The following LRRC4C variants were observed in gnomAD, a reference collection of about 807,000 sequenced individuals.
The protein encoded by LRRC4C is leucine rich repeat containing 4C, also known as leucine-rich repeat-containing protein 4C.
In LRRC4C, 5 loss-of-function variants were observed where a neutral mutation model predicts 33.6. The ratio of observed to expected loss-of-function variants is 0.15; its 90% CI spans 0.08 to 0.31. LRRC4C has a LOEUF of 0.31. Among genes scored for constraint, LRRC4C ranks in the 10% least tolerant of loss-of-function variants. LRRC4C has a pLI of 1.00. For missense variants in LRRC4C, 560 were observed against 796.7 expected (o/e 0.70, Z 3.58); for synonymous variants, 329 against 302.0 (o/e 1.09, Z -0.93).
At chr11:41,242,965 A>G (rs1437879706) in intron 1 of LRRC4C, among the ~76,000 whole-genome samples, 1 of 152,182 alleles carries the variant, frequency 6.6e-6, no homozygotes, top group Non-Finnish European at 1.5e-5. Context: ...AGTGAGTTCA[A>G]TGATTAGGCT....
intron 1 of LRRC4C, among the ~76,000 whole-genome samples, chr11:41,119,337 G>T (rs903659090): frequency 6.6e-5 from 10 of 152,128 alleles, no homozygotes; most frequent in Non-Finnish European, 1.0e-4. Context: ...CTTCCCTAAG[G>T]TCACACAGCT....
At chr11:41,257,185 C>T (rs1948829430) in intron 1 of LRRC4C, among the ~76,000 whole-genome samples, 1 of 151,898 alleles carries the variant, frequency 6.6e-6, no homozygotes, top group Non-Finnish European at 1.5e-5. Flanking sequence ...AGCCATCACC[C>T]CCTACAAAAA....
chr11:40,630,715 C>T (rs1412888462), intron 3 of LRRC4C, among the ~76,000 whole-genome samples: 4 of 152,136 alleles, frequency 2.6e-5, no homozygotes, highest in African/African-American at 9.7e-5. Context: ...CTATGAGTCT[C>T]ACCAGAACAT....
At chr11:41,253,285 C>T (rs1019454087) in intron 1 of LRRC4C, among the ~76,000 whole-genome samples, 2 of 152,066 alleles carry the variant, frequency 1.3e-5, no homozygotes, top group Admixed American at 6.6e-5. Context: ...ATTCTCTTGG[C>T]TAATTCTTTT....
chr11:40,579,512 C>T (rs1330628922), intron 3 of LRRC4C, among the ~76,000 whole-genome samples: 1 of 152,070 alleles, frequency 6.6e-6, no homozygotes, highest in Non-Finnish European at 1.5e-5. Context: ...ATACTATAAA[C>T]TACACTTGTT....
At chr11:41,083,493 C>G (rs976099110) in intron 1 of LRRC4C, among the ~76,000 whole-genome samples, 1 of 152,128 alleles carries the variant, frequency 6.6e-6, no homozygotes, top group Non-Finnish European at 1.5e-5. Flanking sequence ...GTTTTCCATT[C>G]ACAAGTGCTT....
At chr11:41,022,454 T>A (rs912535234) in intron 1 of LRRC4C, among the ~76,000 whole-genome samples, 20 of 151,920 alleles carry the variant, frequency 1.3e-4, no homozygotes, top group African/African-American at 4.8e-4. Context: ...CTGGACTATG[T>A]GTTTCGAGGG....
At position 40,188,866 on chromosome 11, in the gene LRRC4C, C is replaced by T. The variant is rs150140613; in HGVS notation, c.-95-48013G>A. ...GACATAAAAGCTTTCTTTGTGCACA[C>T]CTATGCAAGTCTTTGATATTCTATT... On this transcript the variant is annotated intron_variant, in intron 5 of 6. Transcript: ENST00000528697. Among the ~76,000 whole-genome samples the T allele has an allele frequency of 8.9e-4, 136 of 152,264 alleles. 1 individual carries two copies. In the East Asian group the frequency reaches 0.018, roughly 20 times the overall value.
chr11:40,475,388 G>A (rs1437628993), intron 3 of LRRC4C, among the ~76,000 whole-genome samples: 13 of 152,038 alleles, frequency 8.6e-5, no homozygotes, highest in Admixed American at 8.5e-4. Flanking sequence ...ACTCAAAAGT[G>A]GAAGTTGAAC....
At chr11:41,245,880 GTGCTGTTGTC>G (rs1050126266) in intron 1 of LRRC4C, among the ~76,000 whole-genome samples, 2 of 152,172 alleles carry the variant, frequency 1.3e-5, no homozygotes, top group African/African-American at 4.8e-5. Flanking sequence ...CAGGCAGGTG[GTGCTGTTGTC>G]TGCCCGAGTC....
intron 6 of LRRC4C, among the ~76,000 whole-genome samples, chr11:40,138,780 C>T (rs1261392093): frequency 6.6e-6 from 1 of 152,130 alleles, no homozygotes; most frequent in East Asian, 1.9e-4. Context: ...GGAATGGGAT[C>T]AGCACAGTGT....
chr11:41,025,529 GA>G (rs34225878), intron 1 of LRRC4C, among the ~76,000 whole-genome samples: 107,586 of 149,022 alleles, frequency 0.72, 38,896 homozygotes, highest in South Asian at 0.78. Context: ...TAAAAAAAAA[GA>G]AAAAAAAAAA....
At chr11:40,716,059 AC>A (rs762250714) in intron 2 of LRRC4C, among the ~76,000 whole-genome samples, 1 of 149,510 alleles carries the variant, frequency 6.7e-6, no homozygotes, top group Admixed American at 6.7e-5. Context: ...CAAAAAAAAA[AC>A]AAAACCCAGG....
chr11:41,141,145 T>TA (rs1943486530), intron 1 of LRRC4C, among the ~76,000 whole-genome samples: 1 of 152,100 alleles, frequency 6.6e-6, no homozygotes, highest in South Asian at 2.1e-4. Flanking sequence ...TGTAAAGCAT[T>TA]ATATAAATGT....
intron 3 of LRRC4C, among the ~76,000 whole-genome samples, chr11:40,399,468 G>A (rs1306365520): frequency 6.6e-6 from 1 of 151,836 alleles, no homozygotes; most frequent in African/African-American, 2.4e-5. Flanking sequence ...TCACTCATAG[G>A]TGGGAATTGA....
intron 3 of LRRC4C, among the ~76,000 whole-genome samples, chr11:40,516,769 A>G (rs1370774246): frequency 6.6e-6 from 1 of 152,124 alleles, no homozygotes; most frequent in Non-Finnish European, 1.5e-5. Context: ...TAAATACCCA[A>G]TGTAAAAATA....
chr11:41,210,224 T>A (rs1946765569), intron 1 of LRRC4C, among the ~76,000 whole-genome samples: 1 of 152,166 alleles, frequency 6.6e-6, no homozygotes, highest in African/African-American at 2.4e-5. Flanking sequence ...ATGGTTTGAG[T>A]GTGTCTTCAC....
chr11:41,248,375 T>A (rs1335206671), intron 1 of LRRC4C, among the ~76,000 whole-genome samples: 1 of 152,204 alleles, frequency 6.6e-6, no homozygotes, highest in Non-Finnish European at 1.5e-5. Flanking sequence ...TGAATCACAC[T>A]CTTCTTCATT....
chr11:41,447,815 A>G (rs1008241704), intron 1 of LRRC4C, among the ~76,000 whole-genome samples: 1 of 152,214 alleles, frequency 6.6e-6, no homozygotes, highest in Non-Finnish European at 1.5e-5. Flanking sequence ...ATCCTGTAAG[A>G]AACAGAAGAA....
Sources: gnomAD v4.1 joint callset for allele counts (sites outside exome capture counted in the v4.1 genomes callset) on GRCh38, gnomAD v4.1.1 for gene constraint, MANE v1.5 for transcripts, NCBI Gene and HGNC (gene_info 2026-07-23, HGNC 2026-07-21) for gene names.